Variants in ULK4 observed in about 807,000 individuals in gnomAD.
ULK4 encodes the protein inactive serine/threonine-protein kinase ULK4.
ULK4 carries 133 observed loss-of-function variants against 160.6 expected under a neutral mutation model. The observed-to-expected ratio is 0.83, with a 90% confidence interval of 0.72 to 0.96. ULK4 has a LOEUF of 0.96. Among genes scored for constraint, ULK4 ranks in the 40% least tolerant of loss-of-function variants. ULK4 has a pLI of 0.00. For missense variants in ULK4, 1,580 were observed against 1,499.5 expected (o/e 1.05, Z -0.89); for synonymous variants, 534 against 539.8 (o/e 0.99, Z 0.15).
rs558437365 is a variant in ULK4 at position 41,526,624 on chromosome 3, T to C, written c.3226+39401A>G. On this transcript the variant is annotated intron_variant, in intron 32 of 36. Transcript: ENST00000301831. ...GACATCACTGCCTGGCTGCCCTGTATCTCAGTACTGTCACCAAAGACTTTT... is the reference window on the plus strand; with the variant it reads ...GACATCACTGCCTGGCTGCCCTGTACCTCAGTACTGTCACCAAAGACTTTT... Among the ~76,000 whole-genome samples, 5 of 152,310 alleles carry C rather than the reference T, an allele frequency of 3.3e-5. No individual in the cohort carries two copies. In the South Asian group the frequency reaches 6.2e-4, roughly 19 times the overall value.
At chr3:41,578,646 A>C (rs1406812931) in intron 31 of ULK4, among the ~76,000 whole-genome samples, 1 of 152,236 alleles carries the variant, frequency 6.6e-6, no homozygotes, top group East Asian at 1.9e-4. Context: ...ATAAATTAAT[A>C]AATGTGGGTC....
At chr3:41,697,199 T>G (rs1284541941) in intron 27 of ULK4, among the ~76,000 whole-genome samples, 1 of 152,148 alleles carries the variant, frequency 6.6e-6, no homozygotes, top group African/African-American at 2.4e-5. Context: ...TCAGTTAACT[T>G]TAAATATATA....
At chr3:41,942,083 C>T (rs767933505) in intron 2 of ULK4, among the ~76,000 whole-genome samples, 3 of 152,154 alleles carry the variant, frequency 2.0e-5, no homozygotes, top group Admixed American at 6.6e-5. Context: ...CACAGACCTG[C>T]GGTGTTCAAT....
intron 35 of ULK4, among the ~76,000 whole-genome samples, chr3:41,394,306 G>A (rs183408074): frequency 1.3e-5 from 2 of 152,134 alleles, no homozygotes; most frequent in Non-Finnish European, 2.9e-5. Context: ...CCAGAAGCAT[G>A]AGACAGGTAG....
At chr3:41,858,509 AT>A (rs552326948) in intron 17 of ULK4, among the ~76,000 whole-genome samples, 8,805 of 124,452 alleles carry the variant, frequency 0.071, 614 homozygotes, top group African/African-American at 0.24. Context: ...AAATTTTTCA[AT>A]TTTTTTTTTT....
At chr3:41,943,899 T>C (rs1700037352) in intron 2 of ULK4, among the ~76,000 whole-genome samples, 1 of 152,174 alleles carries the variant, frequency 6.6e-6, no homozygotes, top group Non-Finnish European at 1.5e-5. Flanking sequence ...CATACAAACA[T>C]GCTGAAATTA....
chr3:41,404,021 G>T (rs534253035), intron 34 of ULK4, among the ~76,000 whole-genome samples: 1 of 152,136 alleles, frequency 6.6e-6, no homozygotes, highest in Non-Finnish European at 1.5e-5. Context: ...GTCTATTAGT[G>T]GTGAGTGTTC....
At chr3:41,394,366 T>C (rs1482389480) in intron 35 of ULK4, among the ~76,000 whole-genome samples, 1 of 152,096 alleles carries the variant, frequency 6.6e-6, no homozygotes, top group African/African-American at 2.4e-5. Context: ...CCAAGTGTAC[T>C]AACCTCAGTA....
At chr3:41,834,420 T>C (rs1046068929) in intron 18 of ULK4, among the ~76,000 whole-genome samples, 1 of 152,174 alleles carries the variant, frequency 6.6e-6, no homozygotes, top group African/African-American at 2.4e-5. Context: ...ATCGTAACGA[T>C]ATTAGTTATC....
chr3:41,625,734 C>CT lies in ULK4; in HGVS notation c.3072-10018dup, dbSNP rs535995320. On this transcript the variant is annotated intron_variant, in intron 30 of 36. Transcript: ENST00000301831. ...ATCATCTGTCATTTTACTACATGGG[C>CT]TTGTTATATCCTAAATCCGAAAAGA... Among the ~76,000 whole-genome samples, 128 of 152,238 alleles carry CT rather than the reference C, an allele frequency of 8.4e-4. 1 individual carries two copies. The highest frequency in any genetic ancestry group is 3.0e-3 in the African/African-American group (123 of 41,542).
At chr3:41,787,367 G>A (rs555948450) in intron 21 of ULK4, among the ~76,000 whole-genome samples, 14 of 152,210 alleles carry the variant, frequency 9.2e-5, no homozygotes, top group Admixed American at 5.2e-4. Context: ...CTCAGCAGCC[G>A]GGGTAGCATC....
intron 30 of ULK4, among the ~76,000 whole-genome samples, chr3:41,647,168 C>T (rs969282349): frequency 1.3e-5 from 2 of 152,088 alleles, no homozygotes; most frequent in African/African-American, 4.8e-5. Flanking sequence ...GTAGTTTGAT[C>T]GTCTGAAGCC....
intron 35 of ULK4, among the ~76,000 whole-genome samples, chr3:41,297,082 G>A (rs1016117092): frequency 2.6e-5 from 4 of 152,130 alleles, no homozygotes; most frequent in Non-Finnish European, 5.9e-5. Context: ...CTGCTGCTAT[G>A]GTACCTGTCC....
intron 31 of ULK4, among the ~76,000 whole-genome samples, chr3:41,570,704 A>T (rs1010464218): frequency 1.3e-5 from 2 of 152,200 alleles, no homozygotes; most frequent in African/African-American, 2.4e-5. Context: ...CCAATACTCC[A>T]GCTTTTCCTG....
At chr3:41,575,832 C>A (rs576029661) in intron 31 of ULK4, among the ~76,000 whole-genome samples, 1 of 149,502 alleles carries the variant, frequency 6.7e-6, no homozygotes, top group South Asian at 2.2e-4. Flanking sequence ...CCTAGCCCTG[C>A]CCTTTCATGT....
intron 34 of ULK4, among the ~76,000 whole-genome samples, chr3:41,398,553 A>AT (rs11321558): frequency 0.057 from 7,415 of 130,588 alleles, 254 homozygotes; most frequent in African/African-American, 0.069. Flanking sequence ...TGCCCAGCTA[A>AT]TTTTTTTTTT....
intron 5 of ULK4, among the ~76,000 whole-genome samples, chr3:41,924,115 TG>T (rs1469229187): frequency 1.3e-5 from 2 of 152,156 alleles, no homozygotes; most frequent in Non-Finnish European, 2.9e-5. Context: ...CCAAAATTTT[TG>T]CCCTAAAATC....
chr3:41,643,511 G>A (rs59981567), intron 30 of ULK4, among the ~76,000 whole-genome samples: 9,329 of 152,168 alleles, frequency 0.061, 967 homozygotes, highest in African/African-American at 0.21. Context: ...AAGATATGCG[G>A]CATTATTTCT....
chr3:41,844,305 C>A (rs959795219), intron 17 of ULK4, among the ~76,000 whole-genome samples: 1 of 152,170 alleles, frequency 6.6e-6, no homozygotes, highest in African/African-American at 2.4e-5. Context: ...AGGTCCCGAG[C>A]CCTGCCCCAT....
Sources: allele counts gnomAD v4.1 joint callset (sites outside exome capture counted in the v4.1 genomes callset), GRCh38; gene constraint gnomAD v4.1.1; transcripts MANE v1.5; gene names NCBI Gene and HGNC (gene_info 2026-07-23, HGNC 2026-07-21).